Variants in GRIK1 observed in about 807,000 individuals in gnomAD.
The protein encoded by GRIK1 is glutamate ionotropic receptor kainate type subunit 1, also known as glutamate receptor ionotropic, kainate 1.
A neutral mutation model predicts 105.7 loss-of-function variants in GRIK1; 69 were observed. The observed-to-expected ratio is 0.65, with a 90% confidence interval of 0.54 to 0.80. The LOEUF is 0.80. Among genes scored for constraint, GRIK1 ranks in the 30% least tolerant of loss-of-function variants. The probability of loss-of-function intolerance (pLI) is 0.00; values close to 1 mark genes in which losing one functional copy is unlikely to be tolerated. For missense variants in GRIK1, 1,109 were observed against 1,167.3 expected (o/e 0.95, Z 0.73); for synonymous variants, 438 against 431.3 (o/e 1.02, Z -0.19).
intron 1 of GRIK1, among the ~76,000 whole-genome samples, chr21:29,764,179 C>T (rs2065599393): frequency 6.6e-6 from 1 of 152,112 alleles, no homozygotes. Flanking sequence ...ACTGGAAGAA[C>T]AAGACACTTG....
At chr21:29,719,938 G>A (rs2064279217) in intron 1 of GRIK1, among the ~76,000 whole-genome samples, 1 of 152,084 alleles carries the variant, frequency 6.6e-6, no homozygotes, top group Admixed American at 6.5e-5. Flanking sequence ...CAGAAATACA[G>A]GTTAAAAGCT....
chr21:29,860,180 AC>A (rs1296564256), intron 1 of GRIK1, among the ~76,000 whole-genome samples: 1 of 152,190 alleles, frequency 6.6e-6, no homozygotes, highest in East Asian at 1.9e-4. Flanking sequence ...CTGGTGTCTA[AC>A]TGATCCTCTT....
intron 16 of GRIK1, among the ~76,000 whole-genome samples, chr21:29,539,024 A>G (rs1445984773): frequency 1.3e-5 from 2 of 152,162 alleles, no homozygotes; most frequent in African/African-American, 4.8e-5. Flanking sequence ...AAGTGTTTAT[A>G]GGATTTGAAT....
At position 29,759,030 on chromosome 21, in the gene GRIK1, G is replaced by A. The variant is rs568634891; in HGVS notation, c.119-64967C>T. On this transcript the variant is annotated intron_variant, in intron 1 of 17. Coordinates refer to ENST00000327783, the MANE Select transcript of GRIK1 (RefSeq NM_001330994.2). ...CAGGAGGTAGGTAAGTCCCGATTAAGTTTCTGGCTTCAGAAGCTCCCCTCT... is the reference window on the plus strand; with the variant it reads ...CAGGAGGTAGGTAAGTCCCGATTAAATTTCTGGCTTCAGAAGCTCCCCTCT... 141 of 153,268 alleles carry A rather than the reference G, an allele frequency of 9.2e-4. 1 individual carries two copies. Among genetic ancestry groups the A allele is most frequent in the Middle Eastern group, 3.3e-3 (1 of 300 alleles). The allele number at this position is 153,268 out of a possible 1,614,324, so 9.5% of individuals were successfully genotyped here. A position where few individuals can be genotyped will look rare whatever the true frequency, so the allele number is the denominator to read the frequency against.
chr21:29,782,930 C>A (rs2066163275), intron 1 of GRIK1, among the ~76,000 whole-genome samples: 1 of 152,114 alleles, frequency 6.6e-6, no homozygotes, highest in Non-Finnish European at 1.5e-5. Flanking sequence ...CATTTTTCAT[C>A]TTGGTGTAAA....
At chr21:29,814,988 C>T (rs2067116470) in intron 1 of GRIK1, among the ~76,000 whole-genome samples, 1 of 152,118 alleles carries the variant, frequency 6.6e-6, no homozygotes, top group African/African-American at 2.4e-5. Flanking sequence ...ATAATCATCA[C>T]ATCCATTTTA....
intron 1 of GRIK1, among the ~76,000 whole-genome samples, chr21:29,896,165 A>G (rs968192570): frequency 6.6e-6 from 1 of 152,254 alleles, no homozygotes; most frequent in African/African-American, 2.4e-5. Context: ...GGCTGGAAGC[A>G]AATACACTCC....
chr21:29,905,046 G>A (rs2070560260), intron 1 of GRIK1, among the ~76,000 whole-genome samples: 1 of 152,184 alleles, frequency 6.6e-6, no homozygotes, highest in South Asian at 2.1e-4. Flanking sequence ...ATCCTAGGCA[G>A]TGTGAAACAT....
At chr21:29,854,445 GC>G (rs2068400574) in intron 1 of GRIK1, among the ~76,000 whole-genome samples, 1 of 151,998 alleles carries the variant, frequency 6.6e-6, no homozygotes, top group Non-Finnish European at 1.5e-5. Context: ...CAAACACTTG[GC>G]AGATGAGCTT....
chr21:29,754,314 C>T (rs1264052896), intron 1 of GRIK1, among the ~76,000 whole-genome samples: 2 of 152,092 alleles, frequency 1.3e-5, no homozygotes, highest in East Asian at 1.9e-4. Flanking sequence ...GAGATCGATG[C>T]TTACACATAT....
intron 1 of GRIK1, among the ~76,000 whole-genome samples, chr21:29,878,999 C>T (rs2069296032): frequency 6.6e-6 from 1 of 152,052 alleles, no homozygotes; most frequent in Non-Finnish European, 1.5e-5. Context: ...TTTTATGGTC[C>T]TTTGTCATAG....
chr21:29,879,747 A>T lies in GRIK1; in HGVS notation c.118+59636T>A, dbSNP rs1460028504. Among the ~76,000 whole-genome samples the T allele has an allele frequency of 2.0e-5, 3 of 152,154 alleles. No homozygotes were observed. In the East Asian group the frequency reaches 5.8e-4, roughly 29 times the overall value. The stretch of plus-strand genomic sequence containing the variant: ...CGGTAGCTCTTTAAGGAGCTAGTTT[A>T]TTAAAAAGAAAGAGGATAATAAGGC... On this transcript the variant is annotated intron_variant, in intron 1 of 17. Transcript: ENST00000327783.
intron 1 of GRIK1, among the ~76,000 whole-genome samples, chr21:29,842,868 C>A (rs1300486110): frequency 6.6e-6 from 1 of 152,170 alleles, no homozygotes; most frequent in Non-Finnish European, 1.5e-5. Context: ...CAGTTTAATA[C>A]CCCTATAGGC....
intron 1 of GRIK1, among the ~76,000 whole-genome samples, chr21:29,779,331 A>G (rs1443359587): frequency 2.5e-5 from 2 of 80,584 alleles, no homozygotes; most frequent in East Asian, 6.8e-4. Context: ...GAGGTCAGTG[A>G]GTGAGTGTGT....
chr21:29,767,311 C>A (rs2065691878), intron 1 of GRIK1, among the ~76,000 whole-genome samples: 1 of 152,128 alleles, frequency 6.6e-6, no homozygotes, highest in African/African-American at 2.4e-5. Context: ...TTGTAGTAAA[C>A]AGAATTATTA....
intron 1 of GRIK1, among the ~76,000 whole-genome samples, chr21:29,834,617 A>C (rs572892565): frequency 1.3e-5 from 2 of 151,050 alleles, no homozygotes; most frequent in South Asian, 4.1e-4. Flanking sequence ...CTCTGGCAGC[A>C]TACTCTACCC....
chr21:29,810,301 A>G (rs923430955), intron 1 of GRIK1, among the ~76,000 whole-genome samples: 17 of 151,968 alleles, frequency 1.1e-4, no homozygotes, highest in African/African-American at 4.1e-4. Flanking sequence ...TGTCTTAAAA[A>G]AAAAAAAAAA....
intron 1 of GRIK1, among the ~76,000 whole-genome samples, chr21:29,695,248 T>A (rs1280102520): frequency 6.6e-6 from 1 of 152,160 alleles, no homozygotes; most frequent in African/African-American, 2.4e-5. Flanking sequence ...TTAGATGTTT[T>A]CTGAGAGACG....
At chr21:29,894,145 A>G (rs973778209) in intron 1 of GRIK1, among the ~76,000 whole-genome samples, 1 of 152,184 alleles carries the variant, frequency 6.6e-6, no homozygotes, top group Non-Finnish European at 1.5e-5. Flanking sequence ...CTAGAGGGAC[A>G]GAACTAATTG....
Sources: allele counts gnomAD v4.1 joint callset (sites outside exome capture counted in the v4.1 genomes callset), GRCh38; gene constraint gnomAD v4.1.1; transcripts MANE v1.5; gene names NCBI Gene and HGNC (gene_info 2026-07-23, HGNC 2026-07-21).